The following NCK2 variants were observed in gnomAD, a reference collection of about 807,000 sequenced individuals.
NCK2 encodes cytoplasmic protein NCK2.
A neutral mutation model predicts 33.9 loss-of-function variants in NCK2; 16 were observed. The ratio of observed to expected loss-of-function variants is 0.47; its 90% CI spans 0.32 to 0.72. The LOEUF (loss-of-function observed/expected upper bound fraction) is 0.72, where lower values mean the gene tolerates loss of function less well. Ranked by LOEUF, NCK2 falls within the 30% of genes least tolerant of loss-of-function variation. The pLI, the probability that NCK2 is intolerant of heterozygous loss-of-function variation, is 0.03. For missense variants in NCK2, 418 were observed against 537.3 expected (o/e 0.78, Z 2.19); for synonymous variants, 273 against 239.9 (o/e 1.14, Z -1.27).
rs775028062 is a variant in NCK2 at position 105,855,206 on chromosome 2, C to T, written c.143C>T (p.Thr48Met). Residue 48 changes from threonine (T) to methionine (M), a missense_variant, in exon 3 of 5, where the codon ACG becomes ATG. Transcript: ENST00000233154. ...CGGGTGAGGAACGCGGCCAACAGGA[C>T]GGGCTATGTACCGTCCAACTACGTG... is the stretch of plus-strand genomic sequence containing the variant. ...WWRVRNAANR[T>M]GYVPSNYVER... 15 of 1,614,060 alleles carry T rather than the reference C, an allele frequency of 9.3e-6. No homozygotes were observed. The highest frequency in any genetic ancestry group is 4.4e-5 in the South Asian group (4 of 91,052).
chr2:105,770,357 G>A (rs1289551142), intron 1 of NCK2, among the ~76,000 whole-genome samples: 2 of 152,198 alleles, frequency 1.3e-5, no homozygotes, highest in Admixed American at 6.5e-5. Flanking sequence ...CTAATGCTGA[G>A]ATCTTTTTAA....
At chr2:105,858,267 T>C (rs1215006830) in intron 3 of NCK2, among the ~76,000 whole-genome samples, 2 of 152,142 alleles carry the variant, frequency 1.3e-5, no homozygotes, top group Non-Finnish European at 2.9e-5. Flanking sequence ...TGTTTTTGTT[T>C]TTGTTTTTTG....
intron 1 of NCK2, among the ~76,000 whole-genome samples, chr2:105,764,701 A>G (rs1232977713): frequency 6.6e-6 from 1 of 152,214 alleles, no homozygotes; most frequent in Non-Finnish European, 1.5e-5. Flanking sequence ...GAGATAATAT[A>G]CTGACTCTTA....
rs533458131 is a variant in NCK2, at chr2:105,805,578, C to T, written c.-200-10852C>T. On this transcript the variant is annotated intron_variant, in intron 1 of 4. Coordinates refer to ENST00000233154, the MANE Select transcript of NCK2 (RefSeq NM_003581.5). ...CTTACTCATAACCAAAATTTTGTACCCATCCACCAAAATCCCCCCATTTTC... is the reference window on the plus strand; with the variant it reads ...CTTACTCATAACCAAAATTTTGTACTCATCCACCAAAATCCCCCCATTTTC... Among the ~76,000 whole-genome samples, 3 of 151,806 alleles carry T rather than the reference C, an allele frequency of 2.0e-5. No homozygotes were observed. The South Asian group carries it at 6.3e-4, about 32-fold the overall frequency.
At chr2:105,756,492 G>A (rs954801821) in intron 1 of NCK2, among the ~76,000 whole-genome samples, 9 of 152,184 alleles carry the variant, frequency 5.9e-5, no homozygotes, top group African/African-American at 2.2e-4. Flanking sequence ...TGTATCATTT[G>A]ATTCTAACTT....
intron 1 of NCK2, among the ~76,000 whole-genome samples, chr2:105,779,057 A>C (rs1288517559): frequency 1.3e-5 from 2 of 152,230 alleles, no homozygotes; most frequent in Admixed American, 1.3e-4. Context: ...CTGTAGTCCC[A>C]GCACTTTGGG....
chr2:105,782,803 G>C (rs1247042068), intron 1 of NCK2, among the ~76,000 whole-genome samples: 2 of 152,314 alleles, frequency 1.3e-5, no homozygotes, highest in African/African-American at 4.8e-5. Context: ...CTCAGCTCTG[G>C]CAGCCACAGC....
At chr2:105,835,409 G>GTATATATGTGTGTATATATATATACGTA (rs1676383367) in intron 2 of NCK2, among the ~76,000 whole-genome samples, 3 of 59,328 alleles carry the variant, frequency 5.1e-5, no homozygotes, top group East Asian at 5.3e-4. Context: ...ATATATACGT[G>GTATATATGTGTGTATATATATATACGTA]TATATATATA....
At chr2:105,800,878 C>T (rs762606119) in intron 1 of NCK2, among the ~76,000 whole-genome samples, 4 of 152,208 alleles carry the variant, frequency 2.6e-5, no homozygotes, top group South Asian at 2.1e-4. Flanking sequence ...AATCCAAGCT[C>T]GAGGTTCCAT....
chr2:105,805,671 C>A (rs1356827081), intron 1 of NCK2, among the ~76,000 whole-genome samples: 1 of 152,200 alleles, frequency 6.6e-6, no homozygotes. Context: ...TCTTTAGATT[C>A]CACATATAAA....
intron 4 of NCK2, among the ~76,000 whole-genome samples, chr2:105,883,134 A>G (rs553025210): frequency 1.3e-5 from 2 of 152,288 alleles, no homozygotes; most frequent in East Asian, 1.9e-4. Context: ...GGAGCCTTAC[A>G]TGTGCTTGGA....
Position 105,815,369 on chromosome 2 carries a change from G to A in NCK2, c.-200-1061G>A, listed in dbSNP as rs373215267. Among the ~76,000 whole-genome samples, 642 of 152,204 alleles carry A rather than the reference G, an allele frequency of 4.2e-3. 8 individuals are homozygous for A. The highest frequency in any genetic ancestry group is 0.017 in the Middle Eastern group (5 of 294). ...CTTATCTTTGACTAAAATAGAATTC[G>A]ATTTTTCTATGGGGTATTTAACATT... On this transcript the variant is annotated intron_variant, in intron 1 of 4. Coordinates refer to ENST00000233154, the MANE Select transcript of NCK2 (RefSeq NM_003581.5).
chr2:105,823,282 A>G (rs1038581956), intron 2 of NCK2, among the ~76,000 whole-genome samples: 2 of 151,848 alleles, frequency 1.3e-5, no homozygotes, highest in African/African-American at 4.9e-5. Context: ...TGGGATGTAC[A>G]GAACTGAAGG....
chr2:105,757,535 T>C (rs1689632921), intron 1 of NCK2, among the ~76,000 whole-genome samples: 1 of 152,182 alleles, frequency 6.6e-6, no homozygotes, highest in African/African-American at 2.4e-5. Context: ...GGCTATGTTT[T>C]CACTCAGTTG....
At position 105,893,044 on chromosome 2, in the gene NCK2, C is replaced by T. The variant is rs1679056001; in HGVS notation, c.1011C>T (p.Leu337=). 1.9e-6 allele frequency: 3 copies of T among 1,614,142 alleles called. No homozygotes were observed. Among genetic ancestry groups the T allele is most frequent in the Non-Finnish European group, 2.5e-6 (3 of 1,180,020 alleles). Residue 337 remains leucine (L), a synonymous_variant, in exon 5 of 5, where the codon CTC becomes CTT. Coordinates refer to ENST00000233154, the MANE Select transcript of NCK2 (RefSeq NM_003581.5). Reference sequence around the variant, plus strand: ...AGAACAAACACTTCAAGGTGCAGCTCGTGGACAATGTCTACTGCATTGGGC... The same window carrying T: ...AGAACAAACACTTCAAGGTGCAGCTTGTGGACAATGTCTACTGCATTGGGC... The part of the protein sequence containing the change: ...SGKNKHFKVQ[L]VDNVYCIGQR...
rs1553458585 is a variant in NCK2, at chr2:105,835,393, A to ATATATACATATATATATGTATGTATATG, written c.-17+18786_-17+18787insCATATATATATGTATGTATATGTATATA. On this transcript the variant is annotated intron_variant, in intron 2 of 4. Coordinates refer to ENST00000233154, the MANE Select transcript of NCK2 (RefSeq NM_003581.5). ...TATATATACATATATATACACATAT[A>ATATATACATATATATATGTATGTATATG]TATATATATATACGTGTATATATAT... Among the ~76,000 whole-genome samples the ATATATACATATATATATGTATGTATATG allele has an allele frequency of 1.9e-3, 100 of 51,652 alleles. 1 individual carries two copies. The highest frequency in any genetic ancestry group is 3.0e-3 in the Non-Finnish European group (82 of 27,202). 33.9% of individuals were successfully genotyped at this position (51,652 alleles called of 152,430 possible).
intron 4 of NCK2, among the ~76,000 whole-genome samples, chr2:105,883,817 T>G (rs1255687612): frequency 2.0e-5 from 3 of 152,234 alleles, no homozygotes; most frequent in Admixed American, 6.5e-5. Flanking sequence ...TTTAACAGTT[T>G]TTTAATGGGG....
At chr2:105,852,742 C>T (rs1573204842) in intron 2 of NCK2, among the ~76,000 whole-genome samples, 1 of 152,126 alleles carries the variant, frequency 6.6e-6, no homozygotes. Context: ...CTTCTTGTTA[C>T]TTAGAAAATC....
At position 105,761,479 on chromosome 2, in the gene NCK2, T is replaced by G. The variant is rs146094118; in HGVS notation, c.-201+16341T>G. On this transcript the variant is annotated intron_variant, in intron 1 of 4. Transcript: ENST00000233154. Reference sequence around the variant, plus strand: ...GGCCAGGTGGGGGGACACTACTTCCTGCTCCACCCTTCCCAAACCATTATA... The same window carrying G: ...GGCCAGGTGGGGGGACACTACTTCCGGCTCCACCCTTCCCAAACCATTATA... Among the ~76,000 whole-genome samples, 30 of 152,322 alleles carry G rather than the reference T, an allele frequency of 2.0e-4. No homozygotes were observed. In the East Asian group the frequency reaches 5.2e-3, roughly 26 times the overall value.
Sources: gnomAD v4.1 joint callset for allele counts (sites outside exome capture counted in the v4.1 genomes callset) on GRCh38, gnomAD v4.1.1 for gene constraint, MANE v1.5 for transcripts, NCBI Gene and HGNC (gene_info 2026-07-23, HGNC 2026-07-21) for gene names.